DGKB: variants seen among roughly 807,000 people sequenced by gnomAD.
DGKB encodes 90 kDa diacylglycerol kinase.
Under a neutral mutation model 114.3 loss-of-function variants are expected in DGKB, and 67 were observed. The observed-to-expected ratio is 0.59, with a 90% CI of 0.48 to 0.72. The LOEUF (loss-of-function observed/expected upper bound fraction) is 0.72. DGKB is among the 30% of genes least tolerant of loss of function. DGKB has a pLI of 0.00. For synonymous variants in DGKB, 398 were observed against 323.1 expected, an observed-to-expected ratio of 1.23 and a Z score of -2.49; for missense variants, 907 against 975.2, an observed-to-expected ratio of 0.93 and a Z score of 0.93.
chr7:14,198,040 C>T (rs2128284114), intron 23 of DGKB, among the ~76,000 whole-genome samples: 1 of 152,074 alleles, frequency 6.6e-6, no homozygotes, highest in Non-Finnish European at 1.5e-5. Flanking sequence ...AGTGATGTTT[C>T]AGAGTTGACC....
chr7:14,953,804 G>T (rs1168168688), intron 1 of DGKB, among the ~76,000 whole-genome samples: 1 of 152,050 alleles, frequency 6.6e-6, no homozygotes, highest in Non-Finnish European at 1.5e-5. Flanking sequence ...AAATGTTAGG[G>T]TTAAAATAAA....
At chr7:14,753,591 T>C (rs1586232888) in intron 4 of DGKB, among the ~76,000 whole-genome samples, 1 of 152,216 alleles carries the variant, frequency 6.6e-6, no homozygotes, top group East Asian at 1.9e-4. Context: ...ATTAATAAAT[T>C]AAGACTTTTA....
At chr7:14,504,221 C>G (rs922162772) in intron 20 of DGKB, among the ~76,000 whole-genome samples, 29 of 152,028 alleles carry the variant, frequency 1.9e-4, no homozygotes, top group African/African-American at 7.0e-4. Context: ...ATACTCCAAA[C>G]TTTTCATGGA....
intron 12 of DGKB, among the ~76,000 whole-genome samples, chr7:14,673,709 T>C (rs1819385957): frequency 6.6e-6 from 1 of 152,076 alleles, no homozygotes; most frequent in South Asian, 2.1e-4. Context: ...TAAGTTTACA[T>C]TAAGGTGTTA....
chr7:14,332,106 T>G (rs944559014), intron 23 of DGKB, among the ~76,000 whole-genome samples: 3 of 151,408 alleles, frequency 2.0e-5, no homozygotes, highest in Admixed American at 6.6e-5. Flanking sequence ...TTGTTTTTTG[T>G]TTTTTTGGCC....
intron 23 of DGKB, among the ~76,000 whole-genome samples, chr7:14,284,574 T>A (rs12699599): frequency 4.5e-5 from 6 of 133,752 alleles, no homozygotes; most frequent in African/African-American, 1.3e-4. Flanking sequence ...ATGTTTATTG[T>A]GGCATTATTC....
intron 2 of DGKB, among the ~76,000 whole-genome samples, chr7:14,760,681 C>G (rs755615473): frequency 5.3e-5 from 8 of 152,020 alleles, no homozygotes; most frequent in Non-Finnish European, 8.8e-5. Flanking sequence ...TTAACCATAT[C>G]TTAGGCCAAT....
chr7:14,662,099 A>C (rs1454002348), intron 13 of DGKB, among the ~76,000 whole-genome samples: 1 of 152,096 alleles, frequency 6.6e-6, no homozygotes, highest in Non-Finnish European at 1.5e-5. Flanking sequence ...AGATATACCT[A>C]ATGCTAGATG....
chr7:14,942,062 C>T (rs1785596416), intron 1 of DGKB, among the ~76,000 whole-genome samples: 1 of 151,928 alleles, frequency 6.6e-6, no homozygotes, highest in Non-Finnish European at 1.5e-5. Context: ...TGTTTGTCCA[C>T]TCAACCACTA....
At chr7:14,308,826 A>G (rs1804894446) in intron 23 of DGKB, among the ~76,000 whole-genome samples, 1 of 152,216 alleles carries the variant, frequency 6.6e-6, no homozygotes, top group Admixed American at 6.5e-5. Context: ...ACAATGGGAC[A>G]CATTTTTTTC....
rs1165314403 is a variant in DGKB, at chr7:14,769,123, A to AAGAAAGAG, written c.71-11393_71-11392insCTCTTTCT. On this transcript the variant is annotated intron_variant, in intron 2 of 25. Transcript: ENST00000402815. ...AAAGAAAGAAAGAAAGAAAGAAAGAAAGAGAGAGAGAGAAAGAAAGAAAGA... is the reference window on the plus strand; with the variant it reads ...AAAGAAAGAAAGAAAGAAAGAAAGAAAGAAAGAGAGAGAGAGAGAGAAAGAAAGAAAGA... Among the ~76,000 whole-genome samples, 304 of 89,102 alleles carry AAGAAAGAG rather than the reference A, an allele frequency of 3.4e-3. 1 individual carries two copies. Among genetic ancestry groups the AAGAAAGAG allele is most frequent in the East Asian group, 9.7e-3 (25 of 2,576 alleles). 58.5% of individuals were successfully genotyped at this position (89,102 alleles called of 152,430 possible).
chr7:14,304,045 G>T (rs1804013974), intron 23 of DGKB, among the ~76,000 whole-genome samples: 1 of 56,896 alleles, frequency 1.8e-5, no homozygotes, highest in Non-Finnish European at 3.4e-5. Flanking sequence ...TGTTCTTATA[G>T]AACACACACA....
In DGKB at chr7:14,805,250, T is replaced by G. The variant is rs1258138553; in HGVS notation, c.70+35944A>C. On this transcript the variant is annotated intron_variant, in intron 2 of 25. Transcript: ENST00000402815. Reference sequence around the variant, plus strand: ...CCATTTCATTGGACTCCAAAGTGAGTGATAGCCCAGAGAATTGTGCAATAT... The same window carrying G: ...CCATTTCATTGGACTCCAAAGTGAGGGATAGCCCAGAGAATTGTGCAATAT... Among the ~76,000 whole-genome samples the G allele has an allele frequency of 2.6e-5, 4 of 151,996 alleles. No individual in the cohort carries two copies. In the East Asian group the frequency reaches 7.7e-4, roughly 29 times the overall value.
At chr7:14,681,845 A>G (rs1180991891) in intron 12 of DGKB, among the ~76,000 whole-genome samples, 1 of 152,092 alleles carries the variant, frequency 6.6e-6, no homozygotes, top group Non-Finnish European at 1.5e-5. Flanking sequence ...GAAAAGACCA[A>G]TTTATCTCTT....
chr7:14,336,076 A>C (rs1810598755), intron 23 of DGKB, among the ~76,000 whole-genome samples: 1 of 152,218 alleles, frequency 6.6e-6, no homozygotes, highest in Admixed American at 6.5e-5. Context: ...AATTGAAAAC[A>C]AAATCAAGTA....
intron 1 of DGKB, among the ~76,000 whole-genome samples, chr7:14,892,190 A>G (rs149455078): frequency 2.6e-5 from 4 of 151,468 alleles, no homozygotes; most frequent in African/African-American, 9.6e-5. Flanking sequence ...CACTTAGTGT[A>G]TCTCATGATT....
At chr7:14,939,534 A>G (rs1436285562) in intron 1 of DGKB, among the ~76,000 whole-genome samples, 1 of 151,682 alleles carries the variant, frequency 6.6e-6, no homozygotes, top group East Asian at 1.9e-4. Context: ...AGTTGAAAGC[A>G]TGTTCCCTGC....
At chr7:14,424,297 T>C (rs985926436) in intron 21 of DGKB, among the ~76,000 whole-genome samples, 8 of 152,106 alleles carry the variant, frequency 5.3e-5, no homozygotes, top group Non-Finnish European at 1.2e-4. Context: ...CATTGGTCTT[T>C]CCTTGAGTAC....
At chr7:14,716,072 G>C (rs773269573) in intron 6 of DGKB, among the ~76,000 whole-genome samples, 1 of 152,088 alleles carries the variant, frequency 6.6e-6, no homozygotes, top group African/African-American at 2.4e-5. Context: ...AGTGTAATTC[G>C]TTTATCTAAT....
Sources: gnomAD v4.1 joint callset for allele counts (sites outside exome capture counted in the v4.1 genomes callset) on GRCh38, gnomAD v4.1.1 for gene constraint, MANE v1.5 for transcripts, NCBI Gene and HGNC (gene_info 2026-07-23, HGNC 2026-07-21) for gene names.